Variants in PHLPP2 observed in about 807,000 individuals in gnomAD.
The protein encoded by PHLPP2 is PH domain and leucine rich repeat protein phosphatase 2, also known as PH domain leucine-rich repeat-containing protein phosphatase 2.
In PHLPP2, 66 loss-of-function variants were observed where a neutral mutation model predicts 124.9. The observed-to-expected ratio is 0.53, with a 90% confidence interval of 0.43 to 0.65. The LOEUF is 0.65. Among genes scored for constraint, PHLPP2 ranks in the 30% least tolerant of loss-of-function variants. The pLI is 0.00. For missense variants in PHLPP2, 1,685 were observed against 1,600.4 expected (o/e 1.05, Z -0.90); for synonymous variants, 681 against 624.7 (o/e 1.09, Z -1.34).
chr16:71,646,514 T>G lies in PHLPP2; in HGVS notation c.*2376A>C, dbSNP rs2044654308. 6.6e-6 allele frequency: 1 copy of G among 152,174 alleles called. No homozygotes were observed. 9.4% of individuals were successfully genotyped at this position (152,174 alleles called of 1,614,324 possible). A position where few individuals can be genotyped will look rare whatever the true frequency, so the allele number is the denominator to read the frequency against. On this transcript the variant is annotated 3_prime_UTR_variant, in exon 19 of 19. Transcript: ENST00000568954. ...TCCAATAAGTAGGTTGGGAAACGAA[T>G]AGCAGACAAGAAGGGTTCACCATAA...
Position 71,656,655 on chromosome 16 carries a change from T to C in PHLPP2, c.2306A>G (p.Gln769Arg). 8 of 1,612,770 alleles carry C rather than the reference T, an allele frequency of 5.0e-6. No homozygotes were observed. Among genetic ancestry groups the C allele is most frequent in the Non-Finnish European group, 6.8e-6 (8 of 1,178,756 alleles). The change falls in exon 16 of 19, where the codon CAG (glutamine) becomes CGG (arginine). Residue 769 changes from glutamine to arginine, a missense_variant. Transcript: ENST00000568954. ...FSHITTLKID[Q>R]KPLPTTDSTV... ...AGAATCTGTGGTTGGCAAAGGTTTC[T>C]GATCAATTTTCAGGGTTGTGATATG... is the stretch of plus-strand genomic sequence containing the variant.
At chr16:71,716,003 A>C (rs1043013061) in intron 1 of PHLPP2, among the ~76,000 whole-genome samples, 1 of 152,032 alleles carries the variant, frequency 6.6e-6, no homozygotes, top group Non-Finnish European at 1.5e-5. Flanking sequence ...AAAAAAAAAA[A>C]AAAACTTTAA....
rs1255295501 is a variant in PHLPP2, at chr16:71,678,833, A to T, written c.1190T>A (p.Val397Asp). 1.2e-6 allele frequency: 2 copies of T among 1,612,656 alleles called. No individual in the cohort carries two copies. Among genetic ancestry groups the T allele is most frequent in the Non-Finnish European group, 8.5e-7 (1 of 1,178,798 alleles). The part of the protein sequence containing the change: ...YEKLTMLDRV[V>D]MAGNCLEVLN... ...GACTTCCAGGCAATTTCCTGCCATA[A>T]CCACTCTATCTAACATAGTGAGTTT... is the stretch of plus-strand genomic sequence containing the variant. The change falls in exon 8 of 19, where the codon GTT becomes GAT. Residue 397 changes from valine (V) to aspartate (D), a missense_variant. Physicochemically the swap from Val to Asp is radical, Grantham distance 152 (BLOSUM62 -3). Transcript: ENST00000568954.
At position 71,698,843 on chromosome 16, in the gene PHLPP2, T is replaced by C. The variant is rs555192100; in HGVS notation, c.418+3755A>G. ...CACTCACTTTTCCCCCAGCACTCCCTCTCCAGCAAGACTGATAACTGGCAT... is the reference window on the plus strand; with the variant it reads ...CACTCACTTTTCCCCCAGCACTCCCCCTCCAGCAAGACTGATAACTGGCAT... On this transcript the variant is annotated intron_variant, in intron 3 of 18. Transcript: ENST00000568954. 3.8e-4 allele frequency: 88 copies of C among 229,504 alleles called. 1 individual carries two copies. The South Asian group carries it at 5.1e-3, about 13-fold the overall frequency. 14.2% of individuals were successfully genotyped at this position (229,504 alleles called of 1,614,324 possible).
intron 1 of PHLPP2, among the ~76,000 whole-genome samples, chr16:71,722,464 A>C (rs2045404624): frequency 6.6e-6 from 1 of 152,278 alleles, no homozygotes; most frequent in East Asian, 1.9e-4. Flanking sequence ...GAGAGGCAGT[A>C]GCACAAAAAA....
intron 2 of PHLPP2, among the ~76,000 whole-genome samples, chr16:71,708,314 C>G (rs564907843): frequency 7.9e-5 from 12 of 152,306 alleles, no homozygotes; most frequent in African/African-American, 2.6e-4. Context: ...TAACTGATGA[C>G]ATTACCTTGT....
chr16:71,714,760 C>G lies in PHLPP2; in HGVS notation c.36G>C (p.Arg12Ser), dbSNP rs1298730459. The G allele has an allele frequency of 6.2e-7, 1 of 1,614,002 alleles. No individual in the cohort carries two copies. The highest frequency in any genetic ancestry group is 8.5e-7 in the Non-Finnish European group (1 of 1,179,964). The change falls in exon 2 of 19, where the codon AGG (arginine) becomes AGC (serine). Residue 12 changes from arginine to serine, a missense_variant. Coordinates refer to ENST00000568954, the MANE Select transcript of PHLPP2 (RefSeq NM_015020.3). ...TTTCTCGAGAACCAAACCTACTTCT[C>G]CTATTCAAACAATTTCTGCTCCCAT... The part of the protein sequence containing the change: ...KRNGSRNCLN[R>S]RSRFGSRERD...
chr16:71,722,414 G>C (rs1391450453), intron 1 of PHLPP2, among the ~76,000 whole-genome samples: 1 of 152,056 alleles, frequency 6.6e-6, no homozygotes, highest in Non-Finnish European at 1.5e-5. Flanking sequence ...GTGACAGAGT[G>C]AGACCCTGTC....
At chr16:71,721,412 G>A (rs2045397722) in intron 1 of PHLPP2, among the ~76,000 whole-genome samples, 1 of 152,130 alleles carries the variant, frequency 6.6e-6, no homozygotes, top group African/African-American at 2.4e-5. Flanking sequence ...GAGGCCAGGA[G>A]TTTGAGATCA....
At chr16:71,664,126 C>T (rs1029405356) in intron 12 of PHLPP2, 27 bp from the exon 13 acceptor site, 2 of 1,499,332 alleles carry the variant, frequency 1.3e-6, no homozygotes, top group African/African-American at 2.8e-5. Context: ...AGATCATCAC[C>T]TCCTTTAAGT....
rs1483861288 is a variant in PHLPP2, at chr16:71,646,261, C to G, written c.*2629G>C. On this transcript the variant is annotated 3_prime_UTR_variant, in exon 19 of 19. Coordinates refer to ENST00000568954, the MANE Select transcript of PHLPP2 (RefSeq NM_015020.3). ...CATAATGGGCTATGGCCTTTTTACC[C>G]TGTTTTAATACAGAGCAACTGCAGA... is the stretch of plus-strand genomic sequence containing the variant. 2 of 152,246 alleles carry G rather than the reference C, an allele frequency of 1.3e-5. No homozygotes were observed. Among genetic ancestry groups the G allele is most frequent in the Non-Finnish European group, 2.9e-5 (2 of 68,024 alleles). 9.4% of individuals were successfully genotyped at this position (152,246 alleles called of 1,614,324 possible).
intron 18 of PHLPP2, 96 bp downstream of exon 18, chr16:71,652,694 G>C (rs2044704958): frequency 2.4e-6 from 2 of 831,426 alleles, no homozygotes; most frequent in Non-Finnish European, 4.0e-6. Context: ...CAATTTACAG[G>C]GCATGATAGG....
At chr16:71,714,953 C>T (rs2045351480) in intron 1 of PHLPP2, 152 bp from the exon 2 acceptor site, 2 of 909,984 alleles carry the variant, frequency 2.2e-6, no homozygotes, top group African/African-American at 3.4e-5. Context: ...CTATCATGCT[C>T]ATTCGTAATA....
intron 2 of PHLPP2, among the ~76,000 whole-genome samples, chr16:71,705,029 G>A (rs971590918): frequency 6.6e-6 from 1 of 152,180 alleles, no homozygotes; most frequent in African/African-American, 2.4e-5. Context: ...ATGAGAAGGT[G>A]CATAGGTAGA....
rs145787660 is a variant in PHLPP2, at chr16:71,650,022, G to C, written c.2840C>G (p.Thr947Ser). The C allele has an allele frequency of 1.9e-5, 31 of 1,608,148 alleles. No homozygotes were observed. The African/African-American group carries it at 3.9e-4, about 20-fold the overall frequency. ...ACAGCCCAGCATCCGGGTACAGCAGGTTACCCCATTCACTTTGTTGTCCTA... is the reference window on the plus strand; with the variant it reads ...ACAGCCCAGCATCCGGGTACAGCAGCTTACCCCATTCACTTTGTTGTCCTA... The part of the protein sequence containing the change: ...ITEDNKVNGV[T>S]CCTRMLGCTY... Residue 947 changes from threonine (T) to serine (S), a missense_variant, in exon 19 of 19, where the codon ACC (threonine) becomes AGC (serine). Thr to Ser is a moderately conservative substitution (Grantham distance 58). Transcript: ENST00000568954.
intron 5 of PHLPP2, among the ~76,000 whole-genome samples, chr16:71,682,518 GA>G (rs1200522827): frequency 6.6e-6 from 1 of 151,990 alleles, no homozygotes; most frequent in Non-Finnish European, 1.5e-5. Context: ...GAAATAAATG[GA>G]AAAAACTTTA....
intron 4 of PHLPP2, among the ~76,000 whole-genome samples, chr16:71,687,832 C>T (rs942839117): frequency 1.3e-5 from 2 of 152,122 alleles, no homozygotes; most frequent in Admixed American, 1.3e-4. Flanking sequence ...TTTTCTCTTC[C>T]TCTCTCTTCT....
intron 2 of PHLPP2, among the ~76,000 whole-genome samples, chr16:71,705,089 T>C (rs2045263867): frequency 6.6e-6 from 1 of 152,172 alleles, no homozygotes; most frequent in Non-Finnish European, 1.5e-5. Context: ...TGCTCAACCA[T>C]GAAATGAACT....
chr16:71,679,299 G>T, intron 7 of PHLPP2, 90 bp downstream of exon 7: 1 of 1,167,878 alleles, frequency 8.6e-7, no homozygotes, highest in Non-Finnish European at 1.3e-6. Flanking sequence ...ATAGTTCACT[G>T]CAAGAGTTCA....
Sources: allele counts gnomAD v4.1 joint callset (sites outside exome capture counted in the v4.1 genomes callset), GRCh38; gene constraint gnomAD v4.1.1; transcripts MANE v1.5; gene names NCBI Gene and HGNC (gene_info 2026-07-23, HGNC 2026-07-21).